The following KSR2 variants were observed in gnomAD, a reference collection of about 807,000 sequenced individuals.
KSR2 encodes the protein kinase suppressor of ras 2.
In KSR2, 25 loss-of-function variants were observed where a neutral mutation model predicts 107.8. That is an observed-to-expected ratio of 0.23 (90% confidence interval 0.17 to 0.32). KSR2 has a LOEUF of 0.32. KSR2 is among the 10% of genes least tolerant of loss of function. The probability of loss-of-function intolerance (pLI) is 1.00; values close to 1 mark genes in which losing one functional copy is unlikely to be tolerated. For synonymous variants in KSR2, 480 were observed against 507.0 expected, an observed-to-expected ratio of 0.95 and a Z score of 0.71; for missense variants, 887 against 1,268.9, an observed-to-expected ratio of 0.70 and a Z score of 4.57.
At chr12:117,716,426 C>T (rs997121269) in intron 4 of KSR2, among the ~76,000 whole-genome samples, 3 of 152,140 alleles carry the variant, frequency 2.0e-5, no homozygotes, top group African/African-American at 7.2e-5. Context: ...GAGATGTACT[C>T]TAAGTATACA....
intron 1 of KSR2, among the ~76,000 whole-genome samples, chr12:117,872,119 G>A (rs117228406): frequency 1.4e-4 from 22 of 152,202 alleles, no homozygotes; most frequent in Middle Eastern, 3.4e-3. Context: ...ATTCTGCTAC[G>A]TACTTGATAC....
intron 4 of KSR2, among the ~76,000 whole-genome samples, chr12:117,731,474 C>T (rs533789757): frequency 0.029 from 4,423 of 152,070 alleles, 231 homozygotes; most frequent in African/African-American, 0.1. Flanking sequence ...CGCCTCTGCC[C>T]GGCCGCCCCA....
At chr12:117,662,282 G>A (rs1391894499) in intron 5 of KSR2, among the ~76,000 whole-genome samples, 2 of 152,138 alleles carry the variant, frequency 1.3e-5, no homozygotes, top group Non-Finnish European at 2.9e-5. Context: ...GTCAAGACAC[G>A]AGCCTCTCCT....
At chr12:117,491,601 T>G (rs1368335276) in intron 14 of KSR2, among the ~76,000 whole-genome samples, 1 of 152,220 alleles carries the variant, frequency 6.6e-6, no homozygotes, top group Non-Finnish European at 1.5e-5. Flanking sequence ...TCCGCCGCAT[T>G]TATATGCCAC....
At chr12:117,662,117 C>T (rs542576761) in intron 5 of KSR2, among the ~76,000 whole-genome samples, 1 of 152,224 alleles carries the variant, frequency 6.6e-6, no homozygotes, top group East Asian at 1.9e-4. Context: ...CAGCACCGAC[C>T]CCAGCTCATT....
intron 3 of KSR2, among the ~76,000 whole-genome samples, chr12:117,782,577 T>G (rs1051195172): frequency 1.3e-5 from 2 of 152,180 alleles, no homozygotes; most frequent in African/African-American, 4.8e-5. Flanking sequence ...AAACAAATAT[T>G]TTTAAAGTAT....
intron 1 of KSR2, among the ~76,000 whole-genome samples, chr12:117,870,729 C>A (rs144245155): frequency 6.6e-6 from 1 of 152,158 alleles, no homozygotes; most frequent in African/African-American, 2.4e-5. Context: ...TGAGATCCTG[C>A]GCTTGCCAAG....
At chr12:117,506,835 A>T (rs189221972) in intron 14 of KSR2, among the ~76,000 whole-genome samples, 1 of 152,208 alleles carries the variant, frequency 6.6e-6, no homozygotes, top group East Asian at 1.9e-4. Context: ...AGATTTATTT[A>T]TATATGTATG....
At position 117,842,763 on chromosome 12, in the gene KSR2, G is replaced by C. The variant is rs1200384083; in HGVS notation, c.472+12665C>G. Among the ~76,000 whole-genome samples, 1 of 152,188 alleles carries C rather than the reference G, an allele frequency of 6.6e-6. No homozygotes were observed. Among genetic ancestry groups the C allele is most frequent in the Admixed American group, 6.5e-5 (1 of 15,284 alleles). On this transcript the variant is annotated intron_variant, in intron 3 of 19. Transcript: ENST00000339824. The surrounding 1 kb of genome is among the most constrained non-coding windows in gnomAD (Gnocchi z 4.2). ...AGATGCTGGCCACATGAAGCAGCAG[G>C]TGGGCAAGACAGAGGGGGCAGGGGT...
At chr12:117,724,263 G>A (rs1469487523) in intron 4 of KSR2, among the ~76,000 whole-genome samples, 3 of 148,846 alleles carry the variant, frequency 2.0e-5, no homozygotes, top group Non-Finnish European at 3.0e-5. Context: ...AGCTGAGATC[G>A]TGCCATTGCA....
At chr12:117,719,985 CCACTCCTTCAT>C (rs1887142387) in intron 4 of KSR2, among the ~76,000 whole-genome samples, 1 of 152,240 alleles carries the variant, frequency 6.6e-6, no homozygotes, top group Non-Finnish European at 1.5e-5. Flanking sequence ...TGGCCCTTCT[CCACTCCTTCAT>C]CACTCCTTCC....
chr12:117,497,277 T>C (rs1487468562), intron 14 of KSR2, among the ~76,000 whole-genome samples: 2 of 152,146 alleles, frequency 1.3e-5, no homozygotes, highest in African/African-American at 2.4e-5. Flanking sequence ...GGAGACAATA[T>C]GCAAATAAAA....
chr12:117,874,907 C>T (rs775432824), intron 1 of KSR2, among the ~76,000 whole-genome samples: 2 of 152,104 alleles, frequency 1.3e-5, no homozygotes, highest in Admixed American at 6.6e-5. Flanking sequence ...CACCGTCTGA[C>T]TCTGCACTGC....
intron 4 of KSR2, among the ~76,000 whole-genome samples, chr12:117,730,930 C>T (rs541992099): frequency 6.6e-6 from 1 of 152,110 alleles, no homozygotes; most frequent in South Asian, 2.1e-4. Context: ...CGGCCGCCAC[C>T]CCGTCTAGGA....
chr12:117,489,759 T>C lies in KSR2; in HGVS notation c.2220-4068A>G, dbSNP rs142139577. On this transcript the variant is annotated intron_variant, in intron 14 of 19. Transcript: ENST00000339824. ...CTGGCTGTGCCCACCTGGATGTTTA[T>C]CAGGAACAAAGCTGGAGACAAGTTC... 4.6e-3 allele frequency among the ~76,000 whole-genome samples: 708 copies of C among 152,264 alleles called. 3 individuals carry two copies. The highest frequency in any genetic ancestry group is 0.016 in the African/African-American group (682 of 41,548).
At chr12:117,675,095 G>A (rs1885064201) in intron 4 of KSR2, among the ~76,000 whole-genome samples, 1 of 152,104 alleles carries the variant, frequency 6.6e-6, no homozygotes, top group Non-Finnish European at 1.5e-5. Context: ...CAGATCTCCT[G>A]GTTACACCTG....
intron 14 of KSR2, among the ~76,000 whole-genome samples, chr12:117,510,132 A>G (rs962369315): frequency 2.6e-5 from 4 of 152,222 alleles, no homozygotes; most frequent in Non-Finnish European, 5.9e-5. Flanking sequence ...GTGCTTATGT[A>G]TACTTGCTTT....
intron 14 of KSR2, among the ~76,000 whole-genome samples, chr12:117,523,886 C>T (rs987693800): frequency 4.6e-5 from 7 of 152,090 alleles, no homozygotes; most frequent in African/African-American, 7.2e-5. Context: ...GCAGGAGAAT[C>T]GCTTGAACCC....
intron 5 of KSR2, among the ~76,000 whole-genome samples, chr12:117,638,713 C>T (rs1280319694): frequency 6.6e-6 from 1 of 152,020 alleles, no homozygotes; most frequent in Non-Finnish European, 1.5e-5. Flanking sequence ...TCAGGAAATG[C>T]ACATCGGGGC....
Sources: allele counts gnomAD v4.1 joint callset (sites outside exome capture counted in the v4.1 genomes callset), GRCh38; gene constraint gnomAD v4.1.1; non-coding constraint Gnocchi (gnomAD v3.1); transcripts MANE v1.5; gene names NCBI Gene and HGNC (gene_info 2026-07-23, HGNC 2026-07-21).